The following CBLN2 variants were observed in gnomAD, a reference collection of about 807,000 sequenced individuals.
CBLN2 encodes cerebellin 2 precursor, also known as cerebellin-2.
A neutral mutation model predicts 15.0 loss-of-function variants in CBLN2; 7 were observed. That is an observed-to-expected ratio of 0.47 (90% confidence interval 0.27 to 0.88). The LOEUF (loss-of-function observed/expected upper bound fraction) is 0.88, where lower values mean the gene tolerates loss of function less well. Among genes scored for constraint, CBLN2 ranks in the 40% least tolerant of loss-of-function variants. The pLI is 0.14. For synonymous variants in CBLN2, 149 were observed against 135.2 expected, an observed-to-expected ratio of 1.10 and a Z score of -0.71; for missense variants, 242 against 304.5, an observed-to-expected ratio of 0.79 and a Z score of 1.53.
chr18:72,551,391 A>G lies in CBLN2; in HGVS notation c.16-12619T>C, dbSNP rs183537413. On this transcript the variant is annotated intron_variant, in intron 1 of 2. Transcript: ENST00000581073. ...AGACTGGTCTGGGAGATTCTGGGGT[A>G]TAGCCAGAAGACTGGACACATTTTA... 1.7e-3 allele frequency among the ~76,000 whole-genome samples: 253 copies of G among 152,284 alleles called. 1 individual carries two copies. The highest frequency in any genetic ancestry group is 0.01 in the South Asian group (50 of 4,826).
chr18:72,625,737 T>C (rs1234947391), intron 1 of CBLN2, among the ~76,000 whole-genome samples: 9 of 135,932 alleles, frequency 6.6e-5, no homozygotes, highest in Non-Finnish European at 1.4e-4. Flanking sequence ...CACACTCTTG[T>C]CCGTTAGACC....
Position 72,542,221 on chromosome 18 carries a change from A to T in CBLN2, c.-61T>A, listed in dbSNP as rs1179258300. 9.0e-7 allele frequency: 1 copy of T among 1,106,344 alleles called. No individual in the cohort carries two copies. The highest frequency in any genetic ancestry group is 1.1e-6 in the Non-Finnish European group (1 of 893,516). The allele number at this position is 1,106,344 out of a possible 1,614,324, so 68.5% of individuals were successfully genotyped here. On this transcript the variant is annotated 5_prime_UTR_variant, in exon 3 of 5. Coordinates refer to ENST00000269503, the MANE Select transcript of CBLN2 (RefSeq NM_182511.4). ...CCGGCGCCGGCGCGAGCGGCGCGGA[A>T]GGGCGCGAAGGAACGCGCGGAGCTC...
At chr18:72,538,556 C>T in intron 4 of CBLN2, 97 bp downstream of exon 4, 2 of 1,538,088 alleles carry the variant, frequency 1.3e-6, no homozygotes, top group Non-Finnish European at 1.8e-6. Context: ...AGACCAGTAC[C>T]CTGTCTCCCT....
chr18:72,568,100 T>G lies in CBLN2; in HGVS notation c.16-29328A>C, dbSNP rs554446813. On this transcript the variant is annotated intron_variant, in intron 1 of 2. Transcript: ENST00000581073. Reference sequence around the variant, plus strand: ...TTCAGTACTCAGTTCCTCTGTCAAATGCCGCTATATCCATTATTCATTCTG... The same window carrying G: ...TTCAGTACTCAGTTCCTCTGTCAAAGGCCGCTATATCCATTATTCATTCTG... Among the ~76,000 whole-genome samples the G allele has an allele frequency of 3.3e-5, 5 of 152,286 alleles. No homozygotes were observed. In the East Asian group the frequency reaches 9.6e-4, roughly 29 times the overall value.
chr18:72,589,241 A>G (rs905102535), intron 1 of CBLN2, among the ~76,000 whole-genome samples: 1 of 152,194 alleles, frequency 6.6e-6, no homozygotes, highest in Non-Finnish European at 1.5e-5. Context: ...GAAATTTTAC[A>G]TATGTTTGCT....
intron 1 of CBLN2, among the ~76,000 whole-genome samples, chr18:72,569,479 A>G (rs2069316574): frequency 6.6e-6 from 1 of 152,232 alleles, no homozygotes; most frequent in African/African-American, 2.4e-5. Context: ...CAATTATCTT[A>G]TTCTGTGTTA....
At chr18:72,616,297 C>T (rs2069661630) in intron 1 of CBLN2, among the ~76,000 whole-genome samples, 1 of 152,164 alleles carries the variant, frequency 6.6e-6, no homozygotes, top group African/African-American at 2.4e-5. Context: ...GATGATATTC[C>T]TTAATGAATA....
At chr18:72,585,098 C>A (rs916892368) in intron 1 of CBLN2, among the ~76,000 whole-genome samples, 1 of 152,298 alleles carries the variant, frequency 6.6e-6, no homozygotes, top group East Asian at 1.9e-4. Flanking sequence ...AGCTTGGAGA[C>A]AACAGGAACC....
chr18:72,633,002 G>A (rs1244655726), intron 1 of CBLN2, among the ~76,000 whole-genome samples: 1 of 152,166 alleles, frequency 6.6e-6, no homozygotes, highest in East Asian at 1.9e-4. Flanking sequence ...TTCACTTAGT[G>A]TAACTATAGC....
intron 1 of CBLN2, among the ~76,000 whole-genome samples, chr18:72,579,747 C>CA (rs2069390990): frequency 6.6e-6 from 1 of 151,544 alleles, no homozygotes; most frequent in African/African-American, 2.4e-5. Flanking sequence ...AAACAAAAAA[C>CA]AAAAAACAAA....
At chr18:72,614,909 G>A (rs1181481928) in intron 1 of CBLN2, among the ~76,000 whole-genome samples, 1 of 150,620 alleles carries the variant, frequency 6.6e-6, no homozygotes, top group Non-Finnish European at 1.5e-5. Flanking sequence ...ACATAGTTAT[G>A]TATTACAAGA....
rs373139183 is a variant in CBLN2, at chr18:72,538,629, G to A, written c.477+24C>T. On this transcript the variant is annotated intron_variant, in intron 4 of 4. Transcript: ENST00000269503. ...GGGAACTATTAACTCAAACCTGAAA[G>A]GATCCAGTTTCAAATCTACCCACCT... 5.6e-5 allele frequency: 90 copies of A among 1,612,886 alleles called. No homozygotes were observed. The African/African-American group carries it at 1.1e-3, about 19-fold the overall frequency.
At chr18:72,558,650 T>A (rs593789) in intron 1 of CBLN2, among the ~76,000 whole-genome samples, 114,863 of 152,146 alleles carry the variant, frequency 0.75, 47,498 homozygotes, top group Non-Finnish European at 0.91. Flanking sequence ...AGGGAGAAGC[T>A]CCTGTTTGAG....
chr18:72,561,663 T>C (rs566349358), intron 1 of CBLN2, among the ~76,000 whole-genome samples: 1 of 152,344 alleles, frequency 6.6e-6, no homozygotes, highest in East Asian at 1.9e-4. Flanking sequence ...ACCACCACTA[T>C]AGTGCGTATT....
At chr18:72,602,470 G>A (rs116704871) in intron 1 of CBLN2, among the ~76,000 whole-genome samples, 1,767 of 151,922 alleles carry the variant, frequency 0.012, 38 homozygotes, top group African/African-American at 0.04. Context: ...TTTTACTGAG[G>A]CCTCTTTTTA....
rs977313068 is a variant in CBLN2 at position 72,542,259 on chromosome 18, G to A, written c.-99C>T. ...ACGCGCGGAGCTCGCAGCAGCCTCCGGGGGCCTTCGTCCCCGGCTCTGACG... is the reference window on the plus strand; with the variant it reads ...ACGCGCGGAGCTCGCAGCAGCCTCCAGGGGCCTTCGTCCCCGGCTCTGACG... On this transcript the variant is annotated 5_prime_UTR_variant, in exon 3 of 5. Coordinates refer to ENST00000269503, the MANE Select transcript of CBLN2 (RefSeq NM_182511.4). 1 of 745,224 alleles carries A rather than the reference G, an allele frequency of 1.3e-6. No homozygotes were observed. Among genetic ancestry groups the A allele is most frequent in the Non-Finnish European group, 1.7e-6 (1 of 571,464 alleles). 46.2% of individuals were successfully genotyped at this position (745,224 alleles called of 1,614,324 possible). A position where few individuals can be genotyped will look rare whatever the true frequency, so the allele number is the denominator to read the frequency against.
At chr18:72,600,678 A>G (rs1022336998) in intron 1 of CBLN2, among the ~76,000 whole-genome samples, 2 of 152,174 alleles carry the variant, frequency 1.3e-5, no homozygotes, top group Non-Finnish European at 2.9e-5. Flanking sequence ...ACACTGCAGT[A>G]AAGAAAGAGT....
chr18:72,544,899 GC>G (rs1265460458), upstream of CBLN2, among the ~76,000 whole-genome samples: 3 of 151,462 alleles, frequency 2.0e-5, no homozygotes. Context: ...ACACTCTATA[GC>G]CTGATTTTTT....
At chr18:72,615,058 A>AAT (rs1420917504) in intron 1 of CBLN2, among the ~76,000 whole-genome samples, 1 of 131,038 alleles carries the variant, frequency 7.6e-6, no homozygotes, top group Non-Finnish European at 1.6e-5. Context: ...TATATATATA[A>AAT]ATATATATAT....
Sources: allele counts gnomAD v4.1 joint callset (sites outside exome capture counted in the v4.1 genomes callset), GRCh38; gene constraint gnomAD v4.1.1; transcripts MANE v1.5; gene names NCBI Gene and HGNC (gene_info 2026-07-23, HGNC 2026-07-21).